Variants in GPC4 observed in about 807,000 individuals in gnomAD.
GPC4 encodes glypican 4, also known as glypican-4.
In GPC4, 10 loss-of-function variants were observed where a neutral mutation model predicts 35.0. The observed-to-expected ratio is 0.29, with a 90% CI of 0.18 to 0.48. GPC4 has a LOEUF of 0.48. GPC4 is among the 20% of genes least tolerant of loss of function. GPC4 has a pLI of 0.99. For synonymous variants in GPC4, 167 were observed against 170.2 expected (o/e 0.98, Z 0.15); for missense variants, 322 against 451.3 (o/e 0.71, Z 2.60).
intron 1 of GPC4, among the ~76,000 whole-genome samples, chrX:133,390,551 A>G (rs939759745): frequency 8.9e-6 from 1 of 112,025 alleles, no homozygotes; most frequent in Non-Finnish European, 1.9e-5. Flanking sequence ...AAAGCGAGCA[A>G]GCTAACAGCA....
chrX:133,347,248 G>GTTTTTGTTTT (rs2068495718), intron 1 of GPC4, among the ~76,000 whole-genome samples: 1 of 25,415 alleles, frequency 3.9e-5, no homozygotes, highest in African/African-American at 1.4e-4. Flanking sequence ...TCTATTAGAA[G>GTTTTTGTTTT]TTTTTTTTTT....
At chrX:133,332,424 G>C (rs2068424667) in intron 2 of GPC4, among the ~76,000 whole-genome samples, 1 of 110,595 alleles carries the variant, frequency 9.0e-6, no homozygotes, top group African/African-American at 3.3e-5. Context: ...TTTCGAGACA[G>C]AGTCTTGCTC....
At chrX:133,315,476 T>G (rs1422502130) in intron 3 of GPC4, among the ~76,000 whole-genome samples, 1 of 110,778 alleles carries the variant, frequency 9.0e-6, no homozygotes, top group Non-Finnish European at 1.9e-5. Flanking sequence ...AACATAACAG[T>G]GGACTAAGTC....
At position 133,302,921 on chromosome X, in the gene GPC4, G is replaced by A; in HGVS notation, c.1617C>T (p.Tyr539=). ...SAGVRPGAQA[Y]LLTVFCILFL... ...ACAAGATGCAGAAGACAGTGAGGAG[G>A]TAGGCCTGTGCCCCAGGACGGACAC... The change falls in exon 9 of 9, where the codon TAC becomes TAT. Residue 539 remains tyrosine (Y), a synonymous_variant. Coordinates refer to ENST00000370828, the MANE Select transcript of GPC4 (RefSeq NM_001448.3). The A allele has an allele frequency of 8.3e-7, 1 of 1,211,646 alleles. No homozygotes were observed. Among genetic ancestry groups the A allele is most frequent in the Non-Finnish European group, 1.1e-6 (1 of 895,443 alleles).
At chrX:133,385,924 C>A (rs1303402428) in intron 1 of GPC4, among the ~76,000 whole-genome samples, 1 of 109,807 alleles carries the variant, frequency 9.1e-6, no homozygotes, top group Non-Finnish European at 1.9e-5. Context: ...GGGATCGAGG[C>A]TTTGCTGATA....
chrX:133,359,216 A>G (rs1005150749), intron 1 of GPC4, among the ~76,000 whole-genome samples: 1 of 111,672 alleles, frequency 9.0e-6, no homozygotes, highest in Non-Finnish European at 1.9e-5. Flanking sequence ...TAGAGTAAGA[A>G]TCTGTGACAA....
chrX:133,340,620 T>C (rs1349873772), intron 1 of GPC4, among the ~76,000 whole-genome samples: 1 of 112,090 alleles, frequency 8.9e-6, no homozygotes. Flanking sequence ...GAGCTGGCCA[T>C]TGCTGCTTCT....
At chrX:133,352,121 T>C (rs772628596) in intron 1 of GPC4, among the ~76,000 whole-genome samples, 22 of 111,972 alleles carry the variant, frequency 2.0e-4, no homozygotes, top group Non-Finnish European at 3.4e-4. Context: ...CCTCTAATCT[T>C]ATCTTGGAAC....
chrX:133,311,591 G>A, intron 3 of GPC4, 168 bp from the exon 4 acceptor site: 2 of 509,889 alleles, frequency 3.9e-6, no homozygotes, highest in Non-Finnish European at 6.8e-6. Context: ...TTAGATAAAA[G>A]ATACATGTTG....
chrX:133,408,948 A>G (rs2068800490), intron 1 of GPC4, among the ~76,000 whole-genome samples: 2 of 109,950 alleles, frequency 1.8e-5, no homozygotes, highest in South Asian at 7.8e-4. Context: ...TGAGGTCAGG[A>G]GTTCTAGACC....
rs747976050 is a variant in GPC4, at chrX:133,344,191, G to GTTTTTTTTTTTTTT, written c.161-4864_161-4851dup. Reference sequence around the variant, plus strand: ...TCTTTATTTTCTTTCTTTCTTTCTGGTTTTTTTTTTTTTTTTTTTTTTTTT... The same window carrying GTTTTTTTTTTTTTT: ...TCTTTATTTTCTTTCTTTCTTTCTGGTTTTTTTTTTTTTTTTTTTTTTTTTTTTTTTTTTTTTTT... On this transcript the variant is annotated intron_variant, in intron 1 of 8. Transcript: ENST00000370828. 7.7e-5 allele frequency among the ~76,000 whole-genome samples: 3 copies of GTTTTTTTTTTTTTT among 38,889 alleles called. 1 individual carries two copies. Among genetic ancestry groups the GTTTTTTTTTTTTTT allele is most frequent in the Non-Finnish European group, 5.2e-5 (1 of 19,226 alleles). 33.8% of individuals were successfully genotyped at this position (38,889 alleles called of 115,157 possible). A position where few individuals can be genotyped will look rare whatever the true frequency, so the allele number is the denominator to read the frequency against.
intron 1 of GPC4, among the ~76,000 whole-genome samples, chrX:133,341,714 A>G (rs996987214): frequency 9.0e-6 from 1 of 110,990 alleles, no homozygotes; most frequent in Non-Finnish European, 1.9e-5. Context: ...ACACACATAC[A>G]CCTCAAAGCA....
At chrX:133,405,266 G>A (rs1182071195) in intron 1 of GPC4, among the ~76,000 whole-genome samples, 1 of 110,037 alleles carries the variant, frequency 9.1e-6, no homozygotes, top group Admixed American at 9.7e-5. Flanking sequence ...GTGCCACCAC[G>A]CCTGGCTAAT....
intron 1 of GPC4, among the ~76,000 whole-genome samples, chrX:133,400,187 C>T (rs185132657): frequency 8.9e-6 from 1 of 111,976 alleles, no homozygotes; most frequent in East Asian, 2.8e-4. Flanking sequence ...GCCAAGATAA[C>T]TCGGGCCTAT....
At position 133,414,995 on chromosome X, in the gene GPC4, C is replaced by T; in HGVS notation, c.-30G>A. On this transcript the variant is annotated 5_prime_UTR_variant, in exon 1 of 9. Transcript: ENST00000370828. ...CGGGCCGGGGCGGACGCGTTCCCAC[C>T]TTTGGGACCGGACGGGAAGCGGCGC... 8.4e-7 allele frequency: 1 copy of T among 1,193,577 alleles called. No individual in the cohort carries two copies.
intron 2 of GPC4, among the ~76,000 whole-genome samples, chrX:133,330,120 AT>A (rs1034320054): frequency 1.7e-4 from 19 of 110,904 alleles, no homozygotes; most frequent in African/African-American, 5.9e-4. Context: ...CATTTGATCC[AT>A]TTTTTTTGGT....
chrX:133,309,931 C>T (rs762722942), intron 4 of GPC4, among the ~76,000 whole-genome samples: 23 of 112,031 alleles, frequency 2.1e-4, no homozygotes, highest in African/African-American at 7.4e-4. Flanking sequence ...TGGTCTTATG[C>T]CTTCCCTTTC....
rs765083517 is a variant in GPC4 at position 133,398,789 on chromosome X, A to G, written c.160+16017T>C. 2.6e-4 allele frequency among the ~76,000 whole-genome samples: 29 copies of G among 110,681 alleles called. No homozygotes were observed. The East Asian group carries it at 8.2e-3, about 31-fold the overall frequency. ...TCTCAGAGAAAAAAAAAAAAAAGAAATAGGGACCTATCTCACAGTGTTCAT... is the reference window on the plus strand; with the variant it reads ...TCTCAGAGAAAAAAAAAAAAAAGAAGTAGGGACCTATCTCACAGTGTTCAT... On this transcript the variant is annotated intron_variant, in intron 1 of 8. Coordinates refer to ENST00000370828, the MANE Select transcript of GPC4 (RefSeq NM_001448.3).
At chrX:133,410,430 T>C (rs2068807746) in intron 1 of GPC4, among the ~76,000 whole-genome samples, 1 of 112,535 alleles carries the variant, frequency 8.9e-6, no homozygotes, top group African/African-American at 3.2e-5. Context: ...TTGTGGGTTT[T>C]AAATGAGACA....
Sources: gnomAD v4.1 joint callset for allele counts (sites outside exome capture counted in the v4.1 genomes callset) on GRCh38, gnomAD v4.1.1 for gene constraint, MANE v1.5 for transcripts, NCBI Gene and HGNC (gene_info 2026-07-23, HGNC 2026-07-21) for gene names.